Variants in PIM1 observed in about 807,000 individuals in gnomAD.
PIM1 encodes Pim-1 proto-oncogene, serine/threonine kinase.
PIM1 carries 9 observed loss-of-function variants against 34.5 expected under a neutral mutation model. That is an observed-to-expected ratio of 0.26 (90% CI 0.16 to 0.46). The LOEUF is 0.46. Among genes scored for constraint, PIM1 ranks in the 20% least tolerant of loss-of-function variants. PIM1 has a pLI of 1.00. For missense variants in PIM1, 274 were observed against 410.9 expected, an observed-to-expected ratio of 0.67 and a Z score of 2.88; for synonymous variants, 199 against 175.2, an observed-to-expected ratio of 1.14 and a Z score of -1.07.
chr6:37,170,343 C>G lies in PIM1; in HGVS notation c.-233C>G. On this transcript the variant is annotated 5_prime_UTR_variant, in exon 1 of 6. Transcript: ENST00000373509. ...CACGAGCCGCTCACCCCGCCGTTCTCAGCGCTGCCCGACCCCGCTGGCGCG... is the reference window on the plus strand; with the variant it reads ...CACGAGCCGCTCACCCCGCCGTTCTGAGCGCTGCCCGACCCCGCTGGCGCG... 1 of 1,505,730 alleles carries G rather than the reference C, an allele frequency of 6.6e-7. No homozygotes were observed. Among genetic ancestry groups the G allele is most frequent in the Non-Finnish European group, 8.8e-7 (1 of 1,132,710 alleles). 93.3% of individuals were successfully genotyped at this position (1,505,730 alleles called of 1,614,324 possible). A position where few individuals can be genotyped will look rare whatever the true frequency, so the allele number is the denominator to read the frequency against.
At chr6:37,172,929 C>T (rs930328264) in intron 4 of PIM1, 67 bp from the exon 5 acceptor site, 30 of 1,338,642 alleles carry the variant, frequency 2.2e-5, no homozygotes, top group Non-Finnish European at 3.0e-5. Flanking sequence ...GTTATATATA[C>T]CACCCAGCTT....
chr6:37,173,811 A>C (rs1430070398), intron 5 of PIM1, 123 bp from the exon 6 acceptor site: 93 of 774,710 alleles, frequency 1.2e-4, no homozygotes, highest in Non-Finnish European at 4.4e-5. Flanking sequence ...ACAGTGTTCT[A>C]GAAAATGCTT....
In PIM1 at chr6:37,170,757, C is replaced by T. The variant is rs779345095; in HGVS notation, c.83-16C>T. The T allele has an allele frequency of 1.9e-6, 3 of 1,611,392 alleles. No homozygotes were observed. Among genetic ancestry groups the T allele is most frequent in the Non-Finnish European group, 1.7e-6 (2 of 1,179,258 alleles). On this transcript the variant is annotated splice_polypyrimidine_tract_variant and intron_variant, in intron 1 of 5. Transcript: ENST00000373509. ...CGCGGGCCGGCACTGAGTCCCCGTG[C>T]TTCCCCCTTTCCTAGGCAAGGAGAA...
Position 37,174,788 on chromosome 6 carries a change from C to A in PIM1, c.*697C>A, listed in dbSNP as rs1402807783. ...CTTTTTGGTTTTTACTTAACTGTTT[C>A]AAAGCCAAGACCTCACACACACAAA... On this transcript the variant is annotated 3_prime_UTR_variant, in exon 6 of 6. Coordinates refer to ENST00000373509, the MANE Select transcript of PIM1 (RefSeq NM_002648.4). 4.3e-6 allele frequency: 1 copy of A among 233,688 alleles called. No individual in the cohort carries two copies. Among genetic ancestry groups the A allele is most frequent in the East Asian group, 6.0e-5 (1 of 16,590 alleles). 14.5% of individuals were successfully genotyped at this position (233,688 alleles called of 1,614,324 possible).
chr6:37,172,297 C>T (rs890522286), intron 4 of PIM1, among the ~76,000 whole-genome samples: 1 of 152,132 alleles, frequency 6.6e-6, no homozygotes, highest in Non-Finnish European at 1.5e-5. Context: ...TTGTATTTAA[C>T]AGTTAATGGC....
chr6:37,171,592 A>C, intron 4 of PIM1, 101 bp downstream of exon 4: 14 of 1,414,316 alleles, frequency 9.9e-6, no homozygotes, highest in Non-Finnish European at 1.3e-5. Flanking sequence ...TGTAAAGGTC[A>C]TTGGGCCGCC....
chr6:37,171,291 G>C lies in PIM1; in HGVS notation c.407G>C (p.Arg136Thr), dbSNP rs753402545. The change falls in exon 4 of 6, where the codon AGG (arginine) becomes ACG (threonine). Residue 136 changes from arginine (R) to threonine (T), a missense_variant. By Grantham distance (71) the Arg-to-Thr change is moderately conservative. Transcript: ENST00000373509. ...VQDLFDFITERGALQEELARS... is the reference protein window; with the variant it reads ...VQDLFDFITETGALQEELARS... ...GATCTCTTCGACTTCATCACGGAAA[G>C]GGGAGCCCTGCAAGAGGAGCTGGCC... The C allele has an allele frequency of 6.2e-7, 1 of 1,614,194 alleles. No homozygotes were observed. Among genetic ancestry groups the C allele is most frequent in the Non-Finnish European group, 8.5e-7 (1 of 1,180,044 alleles).
chr6:37,172,555 A>G (rs764196857), intron 4 of PIM1: 5 of 454,992 alleles, frequency 1.1e-5, no homozygotes, highest in African/African-American at 6.0e-5. Flanking sequence ...ATGTTGTGCA[A>G]GCATCCTTGC....
intron 4 of PIM1, among the ~76,000 whole-genome samples, chr6:37,171,982 C>G (rs1462588859): frequency 6.9e-6 from 1 of 145,442 alleles, no homozygotes; most frequent in Admixed American, 6.9e-5. Flanking sequence ...TTACTGGTGG[C>G]TTTTTTTTTT....
rs922082764 is a variant in PIM1 at position 37,171,110 on chromosome 6, C to T, written c.241-15C>T. 84 of 1,613,740 alleles carry T rather than the reference C, an allele frequency of 5.2e-5. No individual in the cohort carries two copies. The highest frequency in any genetic ancestry group is 6.8e-5 in the Non-Finnish European group (80 of 1,179,982). On this transcript the variant is annotated splice_polypyrimidine_tract_variant and intron_variant, in intron 3 of 5. Transcript: ENST00000373509. ...CCCCGACTCCCGCCCTAACGCGGCC[C>T]CCTCGCCCCTGCAGCCTAATGGCAC...
chr6:37,170,920 G>C (rs757409952), intron 2 of PIM1, 41 bp downstream of exon 2: 17 of 1,612,368 alleles, frequency 1.1e-5, no homozygotes, highest in Middle Eastern at 1.6e-4. Flanking sequence ...CGCCGGGCGG[G>C]GGGCGCACGG....
rs1241841775 is a variant in PIM1 at position 37,175,327 on chromosome 6, C to G, written c.*1236C>G. The stretch of plus-strand genomic sequence containing the variant: ...GGGCTGTGTTTTGAGCAGCAGGTAG[C>G]CTGCTGGTTTTATCTGAGTGAAATA... On this transcript the variant is annotated 3_prime_UTR_variant, in exon 6 of 6. Transcript: ENST00000373509. The G allele has an allele frequency of 8.6e-6, 2 of 233,392 alleles. No individual in the cohort carries two copies. The highest frequency in any genetic ancestry group is 1.7e-5 in the Non-Finnish European group (2 of 118,008). The allele number at this position is 233,392 out of a possible 1,614,324, so 14.5% of individuals were successfully genotyped here.
intron 5 of PIM1, 59 bp from the exon 6 acceptor site, chr6:37,173,875 C>G: frequency 6.6e-7 from 1 of 1,512,590 alleles, no homozygotes; most frequent in Non-Finnish European, 9.0e-7. Flanking sequence ...TGGGGAAGAC[C>G]TTTGCAGTGT....
At position 37,170,862 on chromosome 6, in the gene PIM1, G is replaced by A. The variant is rs896496531; in HGVS notation, c.172G>A (p.Val58Ile). Residue 58 changes from valine to isoleucine, a missense_variant, in exon 2 of 6, where the codon GTC becomes ATC. Physicochemically the swap from Val to Ile is conservative, Grantham distance 29. Around this residue, in one of 2 missense-constraint regions of PIM1, gnomAD observed 106 missense variants for 111.5 expected, o/e 0.95. Transcript: ENST00000373509. ...GFGSVYSGIR[V>I]SDNLPVAIKH... ...CGGCTCGGTCTACTCAGGCATCCGCGTCTCCGACAACTTGCCGGTGAGTGG... is the reference window on the plus strand; with the variant it reads ...CGGCTCGGTCTACTCAGGCATCCGCATCTCCGACAACTTGCCGGTGAGTGG... The A allele has an allele frequency of 1.9e-5, 31 of 1,612,736 alleles. No individual in the cohort carries two copies. The highest frequency in any genetic ancestry group is 2.6e-5 in the Non-Finnish European group (31 of 1,179,504).
chr6:37,171,004 G>A lies in PIM1; in HGVS notation c.213G>A (p.Lys71=). The change falls in exon 3 of 6, where the codon AAG becomes AAA. Residue 71 remains lysine (K), a synonymous_variant. Transcript: ENST00000373509. The stretch of plus-strand genomic sequence containing the variant: ...AGGTGGCCATCAAACACGTGGAGAA[G>A]GACCGGATTTCCGACTGGGGAGAGC... ...NLPVAIKHVE[K]DRISDWGELP... is the part of the protein sequence containing the mutation. 3 of 1,614,126 alleles carry A rather than the reference G, an allele frequency of 1.9e-6. No homozygotes were observed. The highest frequency in any genetic ancestry group is 2.5e-6 in the Non-Finnish European group (3 of 1,180,014).
Position 37,175,357 on chromosome 6 carries a change from A to G in PIM1, c.*1266A>G, listed in dbSNP as rs35893164. ...TGGTTTTATCTGAGTGAAATACTGT[A>G]CAGGGGAATAAAAGAGATCTTATTT... is the stretch of plus-strand genomic sequence containing the variant. On this transcript the variant is annotated 3_prime_UTR_variant, in exon 6 of 6. Coordinates refer to ENST00000373509, the MANE Select transcript of PIM1 (RefSeq NM_002648.4). The G allele has an allele frequency of 6.5e-3, 1,511 of 233,282 alleles. 6 individuals carry two copies. The highest frequency in any genetic ancestry group is 9.6e-3 in the Non-Finnish European group (1,135 of 117,824). 14.5% of individuals were successfully genotyped at this position (233,282 alleles called of 1,614,324 possible).
rs528065927 is a variant in PIM1, at chr6:37,175,132, C to T, written c.*1041C>T. 11 of 233,282 alleles carry T rather than the reference C, an allele frequency of 4.7e-5. No individual in the cohort carries two copies. Among genetic ancestry groups the T allele is most frequent in the African/African-American group, 1.8e-4 (8 of 45,258 alleles). 14.5% of individuals were successfully genotyped at this position (233,282 alleles called of 1,614,324 possible). Reference sequence around the variant, plus strand: ...GACGCTTGCTCTGTTTGTGGGGTGACGGGACTCAGGCGGGACAGTGCTGCA... The same window carrying T: ...GACGCTTGCTCTGTTTGTGGGGTGATGGGACTCAGGCGGGACAGTGCTGCA... On this transcript the variant is annotated 3_prime_UTR_variant, in exon 6 of 6. Transcript: ENST00000373509.
Position 37,171,215 on chromosome 6 carries a change from G to T in PIM1, c.331G>T (p.Glu111Ter). ...SGVIRLLDWFERPDSFVLILE... is the reference protein window; with the variant it reads ...SGVIRLLDWF ...CGTCATTAGGCTCCTGGACTGGTTC[G>T]AGAGGCCCGACAGTTTCGTCCTGAT... The change falls in exon 4 of 6, where the codon GAG becomes TAG. Residue 111 changes from glutamate (E) to a stop codon, truncating the protein, a stop_gained. Transcript: ENST00000373509. LOFTEE classifies it high-confidence loss of function. The T allele has an allele frequency of 6.2e-7, 1 of 1,614,084 alleles. No individual in the cohort carries two copies. The highest frequency in any genetic ancestry group is 8.5e-7 in the Non-Finnish European group (1 of 1,180,022).
rs1435229921 is a variant in PIM1 at position 37,170,242 on chromosome 6, G to C, written c.-334G>C. 11 of 1,247,554 alleles carry C rather than the reference G, an allele frequency of 8.8e-6. No homozygotes were observed. In the East Asian group the frequency reaches 1.2e-4, roughly 14 times the overall value. The allele number at this position is 1,247,554 out of a possible 1,614,324, so 77.3% of individuals were successfully genotyped here. A position where few individuals can be genotyped will look rare whatever the true frequency, so the allele number is the denominator to read the frequency against. On this transcript the variant is annotated 5_prime_UTR_variant, in exon 1 of 6. Coordinates refer to ENST00000373509, the MANE Select transcript of PIM1 (RefSeq NM_002648.4). ...GGAGTCGGTGGCAGCGGCGGCGGCGGGACCGGCAGCAGCAGCAGCAGCAGC... is the reference window on the plus strand; with the variant it reads ...GGAGTCGGTGGCAGCGGCGGCGGCGCGACCGGCAGCAGCAGCAGCAGCAGC...
Sources: allele counts gnomAD v4.1 joint callset (sites outside exome capture counted in the v4.1 genomes callset), GRCh38; gene constraint gnomAD v4.1.1; regional missense constraint gnomAD v4.1.1; transcripts MANE v1.5; gene names NCBI Gene and HGNC (gene_info 2026-07-23, HGNC 2026-07-21).